The following PRMT8 variants were observed in gnomAD, a reference collection of about 807,000 sequenced individuals.
The protein encoded by PRMT8 is protein arginine methyltransferase 8.
PRMT8 carries 7 observed loss-of-function variants against 47.1 expected under a neutral mutation model. That is an observed-to-expected ratio of 0.15 (90% confidence interval 0.08 to 0.28). PRMT8 has a LOEUF of 0.28. Ranked by LOEUF, PRMT8 falls within the 10% of genes least tolerant of loss-of-function variation. PRMT8 has a pLI of 1.00. For missense variants in PRMT8, 237 were observed against 505.4 expected, an observed-to-expected ratio of 0.47 and a Z score of 5.09; for synonymous variants, 188 against 186.5, an observed-to-expected ratio of 1.01 and a Z score of -0.07.
chr12:3,477,476 G>A (rs1865225180), intron 1 of PRMT8, among the ~76,000 whole-genome samples: 1 of 152,234 alleles, frequency 6.6e-6, no homozygotes, highest in African/African-American at 2.4e-5. Flanking sequence ...GACGTGAGGT[G>A]TCCCAAGCAC....
chr12:3,414,547 C>T (rs1169983979), intron 1 of PRMT8, among the ~76,000 whole-genome samples: 1 of 152,182 alleles, frequency 6.6e-6, no homozygotes, highest in Non-Finnish European at 1.5e-5. Context: ...TGGTCAGTTG[C>T]TTCTCTCTGG....
chr12:3,473,663 C>T (rs920157675), intron 1 of PRMT8, among the ~76,000 whole-genome samples: 11 of 152,162 alleles, frequency 7.2e-5, no homozygotes, highest in Non-Finnish European at 8.8e-5. Flanking sequence ...CTGGGCATCT[C>T]CTCTTGGCCA....
chr12:3,593,224 T>C lies in PRMT8; in HGVS notation c.*42T>C, dbSNP rs1428948861. 6.6e-6 allele frequency: 10 copies of C among 1,513,606 alleles called. No individual in the cohort carries two copies. Among genetic ancestry groups the C allele is most frequent in the Non-Finnish European group, 9.1e-6 (10 of 1,093,126 alleles). The allele number at this position is 1,513,606 out of a possible 1,614,324, so 93.8% of individuals were successfully genotyped here. On this transcript the variant is annotated 3_prime_UTR_variant, in exon 10 of 10. Transcript: ENST00000382622. This position sits in a 1 kb window ranked among gnomAD's most constrained non-coding sequence, Gnocchi z 4.8. Reference sequence around the variant, plus strand: ...CAGAGAGCAACGAGAAAAGGAACTCTCACCTCGATCTGCCGTGCCGTCCCA... The same window carrying C: ...CAGAGAGCAACGAGAAAAGGAACTCCCACCTCGATCTGCCGTGCCGTCCCA...
intron 1 of PRMT8, among the ~76,000 whole-genome samples, chr12:3,386,981 T>G (rs927479025): frequency 1.1e-4 from 16 of 152,176 alleles, no homozygotes; most frequent in Non-Finnish European, 1.5e-4. Context: ...GTGCTGGGAT[T>G]ACAGGCATGA....
At chr12:3,455,602 G>A (rs1864966083) in intron 1 of PRMT8, among the ~76,000 whole-genome samples, 1 of 152,182 alleles carries the variant, frequency 6.6e-6, no homozygotes, top group Non-Finnish European at 1.5e-5. Context: ...GAGGCACCAC[G>A]CTAGCCTGCT....
At position 3,456,373 on chromosome 12, in the gene PRMT8, C is replaced by A. The variant is rs1864973174; in HGVS notation, c.48+74931C>A. On this transcript the variant is annotated intron_variant, in intron 1 of 9. Coordinates refer to the PRMT8 transcript ENST00000452611. This position sits in a 1 kb window ranked among gnomAD's most constrained non-coding sequence, Gnocchi z 4.2. ...TTTTCTGGATCGTGGATCCCCTTCC[C>A]GAGGGAAAAACCCTAGCACCCACAT... Among the ~76,000 whole-genome samples the A allele has an allele frequency of 6.6e-6, 1 of 152,116 alleles. No homozygotes were observed. Among genetic ancestry groups the A allele is most frequent in the African/African-American group, 2.4e-5 (1 of 41,406 alleles).
chr12:3,567,715 C>A (rs1460565745), intron 4 of PRMT8, among the ~76,000 whole-genome samples: 1 of 152,216 alleles, frequency 6.6e-6, no homozygotes, highest in African/African-American at 2.4e-5. Flanking sequence ...TAATTTTTGA[C>A]TCCCACAAAA....
At chr12:3,422,091 C>T (rs1338979547) in intron 1 of PRMT8, among the ~76,000 whole-genome samples, 1 of 152,210 alleles carries the variant, frequency 6.6e-6, no homozygotes. Flanking sequence ...ACATGTCCAC[C>T]TGAGTTATGG....
chr12:3,490,401 A>T (rs1295945938), upstream of PRMT8, among the ~76,000 whole-genome samples: 2 of 152,156 alleles, frequency 1.3e-5, no homozygotes, highest in Non-Finnish European at 2.9e-5. Flanking sequence ...AAACTCCCTT[A>T]AAAAAGGATC....
chr12:3,402,509 G>T (rs896055598), intron 1 of PRMT8, among the ~76,000 whole-genome samples: 1 of 152,186 alleles, frequency 6.6e-6, no homozygotes, highest in Non-Finnish European at 1.5e-5. Context: ...CACAGCAAAA[G>T]AAACTATCAT....
intron 1 of PRMT8, among the ~76,000 whole-genome samples, chr12:3,516,395 C>T (rs887373673): frequency 6.6e-6 from 1 of 152,202 alleles, no homozygotes; most frequent in Non-Finnish European, 1.5e-5. Flanking sequence ...TGAATGTTCA[C>T]TCAGCGTAAG....
chr12:3,392,800 A>G (rs981053752), intron 1 of PRMT8, among the ~76,000 whole-genome samples: 3 of 151,706 alleles, frequency 2.0e-5, no homozygotes, highest in Non-Finnish European at 4.4e-5. Context: ...GACTTCCACA[A>G]TGGTTGAACT....
intron 1 of PRMT8, among the ~76,000 whole-genome samples, chr12:3,444,515 T>C (rs1345409783): frequency 6.6e-6 from 1 of 152,208 alleles, no homozygotes; most frequent in Non-Finnish European, 1.5e-5. Context: ...GACACTCTGG[T>C]CATATTCTGT....
intron 1 of PRMT8, among the ~76,000 whole-genome samples, chr12:3,478,958 G>A (rs185278871): frequency 2.0e-5 from 3 of 152,324 alleles, no homozygotes; most frequent in Admixed American, 6.5e-5. Context: ...GAGGCTGTAC[G>A]TGCTGCTGTA....
intron 1 of PRMT8, among the ~76,000 whole-genome samples, chr12:3,428,380 C>T (rs1864630313): frequency 6.6e-6 from 1 of 151,816 alleles, no homozygotes; most frequent in African/African-American, 2.4e-5. Context: ...GATGTTTCCT[C>T]TAAAAGTTAT....
At position 3,572,019 on chromosome 12, in the gene PRMT8, T is replaced by G. The variant is rs1009023478; in HGVS notation, c.712+2455T>G. Among the ~76,000 whole-genome samples, 10 of 152,120 alleles carry G rather than the reference T, an allele frequency of 6.6e-5. No homozygotes were observed. Among genetic ancestry groups the G allele is most frequent in the African/African-American group, 2.4e-4 (10 of 41,406 alleles). ...GAAAGTAAGTTGTTAGAGGGAGAGC[T>G]TTCTTTCCTTTCCTCTCCTTTCCTT... On this transcript the variant is annotated intron_variant, in intron 6 of 9. Transcript: ENST00000382622. This position sits in a 1 kb window ranked among gnomAD's most constrained non-coding sequence, Gnocchi z 5.9.
intron 1 of PRMT8, among the ~76,000 whole-genome samples, chr12:3,411,809 C>A (rs1352049141): frequency 4.6e-5 from 7 of 152,248 alleles, no homozygotes; most frequent in Non-Finnish European, 1.0e-4. Context: ...GAAGGAGGCA[C>A]ACACAAGGTG....
chr12:3,521,510 G>A (rs1865880958), intron 1 of PRMT8, among the ~76,000 whole-genome samples: 2 of 152,112 alleles, frequency 1.3e-5, no homozygotes, highest in African/African-American at 2.4e-5. Flanking sequence ...GAAGGTAGAG[G>A]TTGCAGTCAG....
At chr12:3,437,547 G>C (rs1017019927) in intron 1 of PRMT8, among the ~76,000 whole-genome samples, 4 of 151,348 alleles carry the variant, frequency 2.6e-5, no homozygotes, top group African/African-American at 9.8e-5. Flanking sequence ...AGGCCTCAGT[G>C]TCTGTTCCCT....
Sources: allele counts gnomAD v4.1 joint callset (sites outside exome capture counted in the v4.1 genomes callset), GRCh38; gene constraint gnomAD v4.1.1; non-coding constraint Gnocchi (gnomAD v3.1); transcripts MANE v1.5; gene names NCBI Gene and HGNC (gene_info 2026-07-23, HGNC 2026-07-21).